Variants in B4GALNT2 observed in about 807,000 individuals in gnomAD.
B4GALNT2 encodes N-acetylneuraminylgalactosylglucosyl-glucoside beta-1,4-N- acetylgalactosaminyltransferase 2.
Under a neutral mutation model 51.1 loss-of-function variants are expected in B4GALNT2, and 42 were observed. The ratio of observed to expected loss-of-function variants is 0.82; its 90% CI spans 0.64 to 1.06. The LOEUF (loss-of-function observed/expected upper bound fraction) is 1.06. B4GALNT2 is among the 50% of genes least tolerant of loss of function. B4GALNT2 has a pLI of 0.00. For synonymous variants in B4GALNT2, 253 were observed against 251.7 expected (o/e 1.01, Z -0.05); for missense variants, 602 against 633.6 (o/e 0.95, Z 0.54).
chr17:49,171,704 G>T lies in B4GALNT2; in HGVS notation c.*1976G>T. Reference sequence around the variant, plus strand: ...TGTGGCTGTGGCACACAGACTGAGAGGTGTAATTTAAGCTAAACATCCCCT... The same window carrying T: ...TGTGGCTGTGGCACACAGACTGAGATGTGTAATTTAAGCTAAACATCCCCT... On this transcript the variant is annotated 3_prime_UTR_variant, in exon 11 of 11. Transcript: ENST00000393354. 2.5e-6 allele frequency: 1 copy of T among 395,202 alleles called. No homozygotes were observed. 24.5% of individuals were successfully genotyped at this position (395,202 alleles called of 1,614,324 possible). A position where few individuals can be genotyped will look rare whatever the true frequency, so the allele number is the denominator to read the frequency against.
chr17:49,140,811 C>T (rs555428011), intron 1 of B4GALNT2, among the ~76,000 whole-genome samples: 85 of 151,586 alleles, frequency 5.6e-4, no homozygotes, highest in Admixed American at 1.1e-3. Flanking sequence ...CTCCGCCTCC[C>T]GGGTTCAAGC....
At position 49,149,887 on chromosome 17, in the gene B4GALNT2, C is replaced by T. The variant is rs2042732360; in HGVS notation, c.354-2913C>T. Reference sequence around the variant, plus strand: ...GTGGGTAAGTGTTGCACCTTACATACACCTAACTAACGTTTGCTATCATCA... The same window carrying T: ...GTGGGTAAGTGTTGCACCTTACATATACCTAACTAACGTTTGCTATCATCA... On this transcript the variant is annotated intron_variant, in intron 3 of 10. Coordinates refer to ENST00000393354, the MANE Select transcript of B4GALNT2 (RefSeq NM_001159387.2). 7.9e-5 allele frequency among the ~76,000 whole-genome samples: 12 copies of T among 152,274 alleles called. 1 individual carries two copies. In the South Asian group the frequency reaches 2.3e-3, roughly 29 times the overall value.
At chr17:49,140,351 T>C (rs1201451848) in intron 1 of B4GALNT2, among the ~76,000 whole-genome samples, 2 of 152,102 alleles carry the variant, frequency 1.3e-5, no homozygotes, top group South Asian at 4.2e-4. Flanking sequence ...CCACCCGCCT[T>C]GGCCTCCCGA....
At chr17:49,132,952 C>G in intron 1 of B4GALNT2, 146 bp downstream of exon 1, 1 of 1,399,238 alleles carries the variant, frequency 7.1e-7, no homozygotes, top group Non-Finnish European at 9.3e-7. Flanking sequence ...GTCTTAAGTC[C>G]AACCGGTTCC....
chr17:49,156,435 C>A, intron 4 of B4GALNT2, 131 bp from the exon 5 acceptor site: 1 of 940,290 alleles, frequency 1.1e-6, no homozygotes, highest in Non-Finnish European at 1.6e-6. Flanking sequence ...TGTCAGCAAA[C>A]ACTCTGGGCG....
At chr17:49,164,961 A>G (rs1250160565) in intron 8 of B4GALNT2, among the ~76,000 whole-genome samples, 2 of 151,880 alleles carry the variant, frequency 1.3e-5, no homozygotes, top group Non-Finnish European at 2.9e-5. Flanking sequence ...ACAGGCATGC[A>G]CCATAATGCC....
chr17:49,128,199 C>T (rs1480066045), upstream of B4GALNT2, among the ~76,000 whole-genome samples: 1 of 152,102 alleles, frequency 6.6e-6, no homozygotes, highest in East Asian at 1.9e-4. Flanking sequence ...ACAAATCAGA[C>T]ATGGAGAAAG....
chr17:49,153,149 G>A lies in B4GALNT2; in HGVS notation c.460+243G>A, dbSNP rs529557799. 3.4e-4 allele frequency among the ~76,000 whole-genome samples: 51 copies of A among 151,878 alleles called. 2 individuals are homozygous for A. In the South Asian group the frequency reaches 7.9e-3, roughly 24 times the overall value. ...AAAAGGGGCCGGGTGCTGTGCTCAC[G>A]CCTGCCTATAATCCCAGCACTTTGG... On this transcript the variant is annotated intron_variant, in intron 4 of 10. Transcript: ENST00000393354.
chr17:49,135,733 C>A (rs1267327404), intron 1 of B4GALNT2, among the ~76,000 whole-genome samples: 1 of 150,842 alleles, frequency 6.6e-6, no homozygotes, highest in African/African-American at 2.4e-5. Context: ...GAGTTTGGGA[C>A]CAGCCAGGGC....
intron 4 of B4GALNT2, among the ~76,000 whole-genome samples, 176 bp downstream of exon 4, chr17:49,153,082 G>A (rs1230318313): frequency 6.6e-6 from 1 of 152,158 alleles, no homozygotes; most frequent in Non-Finnish European, 1.5e-5. Context: ...CAGCCTGGGT[G>A]ACAGAGTGAG....
chr17:49,146,721 G>A (rs12452344), intron 3 of B4GALNT2, among the ~76,000 whole-genome samples: 24,868 of 152,144 alleles, frequency 0.16, 2,344 homozygotes, highest in East Asian at 0.43. Context: ...CCTTAAGGTG[G>A]GAATGTAGTT....
intron 1 of B4GALNT2, among the ~76,000 whole-genome samples, chr17:49,136,518 GTTTA>G (rs141696525): frequency 0.077 from 11,459 of 148,344 alleles, 458 homozygotes; most frequent in South Asian, 0.13. Flanking sequence ...TCACATTAGA[GTTTA>G]TTTATTTATT....
At chr17:49,155,701 A>G (rs906598200) in intron 4 of B4GALNT2, among the ~76,000 whole-genome samples, 1 of 149,466 alleles carries the variant, frequency 6.7e-6, no homozygotes, top group African/African-American at 2.4e-5. Flanking sequence ...ATATTTAAAC[A>G]TAAAATCAAC....
rs766419436 is a variant in B4GALNT2 at position 49,164,164 on chromosome 17, G to C, written c.843G>C (p.Arg281=). Residue 281 remains arginine (R), a synonymous_variant, in exon 8 of 11, where the codon CGG becomes CGC. Transcript: ENST00000393354. ...LRPHKLMIML[R]SIREYYPDLT... ...CCCACAAGCTCATGATCATGCTCCG[G>C]AGTATTCGAGAGTATTACCCAGACT... The C allele has an allele frequency of 1.2e-6, 2 of 1,613,930 alleles. No individual in the cohort carries two copies. Among genetic ancestry groups the C allele is most frequent in the African/African-American group, 1.3e-5 (1 of 75,032 alleles).
In B4GALNT2 at chr17:49,168,985, G is replaced by A; in HGVS notation, c.1315+85G>A. ...TTCTTTCCAAGGGCTGTACCCGGCT[G>A]GCTGATCATAGTCGCTTGCCCAGTA... On this transcript the variant is annotated intron_variant, in intron 10 of 10. Coordinates refer to ENST00000393354, the MANE Select transcript of B4GALNT2 (RefSeq NM_001159387.2). 4 of 1,389,012 alleles carry A rather than the reference G, an allele frequency of 2.9e-6. No individual in the cohort carries two copies. In the South Asian group the frequency reaches 5.4e-5, roughly 19 times the overall value. The allele number at this position is 1,389,012 out of a possible 1,614,324, so 86.0% of individuals were successfully genotyped here. A position where few individuals can be genotyped will look rare whatever the true frequency, so the allele number is the denominator to read the frequency against.
At chr17:49,127,154 T>C in the B4GALNT2 span, among the ~76,000 whole-genome samples, 2 of 152,242 alleles carry the variant, frequency 1.3e-5, no homozygotes, top group East Asian at 1.9e-4. Flanking sequence ...GAATTTACCA[T>C]ATAAGATTCT....
chr17:49,144,790 G>A (rs912565803), intron 3 of B4GALNT2, among the ~76,000 whole-genome samples: 4 of 152,108 alleles, frequency 2.6e-5, no homozygotes, highest in Admixed American at 2.0e-4. Flanking sequence ...GAGAGAAAGC[G>A]AGAGAGAGAA....
At chr17:49,140,812 G>A (rs543623096) in intron 1 of B4GALNT2, among the ~76,000 whole-genome samples, 8 of 144,002 alleles carry the variant, frequency 5.6e-5, no homozygotes, top group African/African-American at 1.3e-4. Flanking sequence ...TCCGCCTCCC[G>A]GGTTCAAGCG....
chr17:49,129,206 GAGAT>G (rs1259660111), upstream of B4GALNT2, among the ~76,000 whole-genome samples: 10 of 151,402 alleles, frequency 6.6e-5, no homozygotes, highest in Non-Finnish European at 1.3e-4. Flanking sequence ...GAGAGAGAGA[GAGAT>G]AGAGAGGAGG....
Sources: allele counts gnomAD v4.1 joint callset (sites outside exome capture counted in the v4.1 genomes callset), GRCh38; gene constraint gnomAD v4.1.1; transcripts MANE v1.5; gene names NCBI Gene and HGNC (gene_info 2026-07-23, HGNC 2026-07-21).